Variants in CLEC12A observed in about 807,000 individuals in gnomAD.
CLEC12A encodes C-type lectin protein CLL-1.
A neutral mutation model predicts 26.5 loss-of-function variants in CLEC12A; 22 were observed. The observed-to-expected ratio is 0.83, with a 90% confidence interval of 0.59 to 1.19. The LOEUF (loss-of-function observed/expected upper bound fraction) is 1.19, where lower values mean the gene tolerates loss of function less well. Ranked by LOEUF, CLEC12A falls within the 50% of genes most tolerant of loss-of-function variation. The pLI is 0.00. For synonymous variants in CLEC12A, 119 were observed against 101.9 expected, an observed-to-expected ratio of 1.17 and a Z score of -1.01; for missense variants, 353 against 315.6, an observed-to-expected ratio of 1.12 and a Z score of -0.90.
intron 1 of CLEC12A, among the ~76,000 whole-genome samples, chr12:9,953,586 G>T (rs527458017): frequency 1.3e-5 from 2 of 148,186 alleles, no homozygotes; most frequent in African/African-American, 2.5e-5. Context: ...GGAGGGAGGT[G>T]GGGGGGTCAG....
rs35173002 is a variant in CLEC12A at position 9,954,205 on chromosome 12, T to TAAAAAAA, written c.10+2871_10+2877dup. ...GTGAGAAACACCCAAGAATTATCAA[T>TAAAAAAA]AAAAAAAAAAAAAAAAAAAAAAAAA... On this transcript the variant is annotated intron_variant, in intron 1 of 6. Coordinates refer to the CLEC12A transcript ENST00000355690. Among the ~76,000 whole-genome samples the TAAAAAAA allele has an allele frequency of 2.4e-3, 153 of 64,362 alleles. 1 individual carries two copies. Among genetic ancestry groups the TAAAAAAA allele is most frequent in the Non-Finnish European group, 2.6e-3 (86 of 33,304 alleles). The allele number at this position is 64,362 out of a possible 152,430, so 42.2% of individuals were successfully genotyped here.
At chr12:9,969,304 C>T (rs1864046883), upstream of CLEC12A, among the ~76,000 whole-genome samples, 1 of 152,006 alleles carries the variant, frequency 6.6e-6, no homozygotes, top group Admixed American at 6.6e-5. Context: ...TTCTTATTAC[C>T]CTGATTTGGT....
intron 1 of CLEC12A, among the ~76,000 whole-genome samples, chr12:9,958,524 C>T (rs1010291617): frequency 1.3e-5 from 2 of 152,256 alleles, no homozygotes; most frequent in East Asian, 3.9e-4. Context: ...CTAATGCAGG[C>T]CTCCATAACA....
At chr12:9,951,452 T>G in intron 1 of CLEC12A, 1 of 700,510 alleles carries the variant, frequency 1.4e-6, no homozygotes, top group East Asian at 2.7e-5. Context: ...CAAGGCCAAC[T>G]GACGGAGAGA....
At chr12:9,992,982 AAAG>A in intron 4 of CLEC12A, 1 of 636,950 alleles carries the variant, frequency 1.6e-6, no homozygotes. Context: ...CTGTATATTC[AAAG>A]AAGGGACTAG....
At chr12:9,980,445 A>G (rs1367710687) in intron 3 of CLEC12A, 137 bp from the exon 4 acceptor site, 1 of 960,590 alleles carries the variant, frequency 1.0e-6, no homozygotes, top group Non-Finnish European at 1.5e-6. Flanking sequence ...CAAAAAAAAA[A>G]AAAGGGGGAA....
chr12:9,955,688 G>C (rs1380172533), intron 1 of CLEC12A, among the ~76,000 whole-genome samples: 3 of 152,064 alleles, frequency 2.0e-5, no homozygotes, highest in Non-Finnish European at 2.9e-5. Context: ...GTTTTCCTAA[G>C]CAATCAAAAA....
chr12:9,968,484 A>G (rs1364223730), upstream of CLEC12A, among the ~76,000 whole-genome samples: 2 of 152,130 alleles, frequency 1.3e-5, no homozygotes, highest in Admixed American at 6.5e-5. Flanking sequence ...AAGGTGCTCA[A>G]TAGGGGAGCT....
chr12:9,994,810 AAC>A (rs779892673), intron 4 of CLEC12A, among the ~76,000 whole-genome samples: 2 of 149,306 alleles, frequency 1.3e-5, no homozygotes, highest in East Asian at 2.0e-4. Flanking sequence ...AAAACACAAA[AAC>A]ACACACACAT....
downstream of CLEC12A, among the ~76,000 whole-genome samples, chr12:9,996,565 A>G (rs1016893301): frequency 6.9e-6 from 1 of 145,440 alleles, no homozygotes; most frequent in Non-Finnish European, 1.6e-5. Flanking sequence ...ACAAATAAAT[A>G]TGAACATCAC....
chr12:9,995,123 A>G (rs61917158), exon 5 of CLEC12A: 42,851 of 1,610,206 alleles, frequency 0.027, 661 homozygotes, highest in Non-Finnish European at 0.031. Context: ...TCCTATTCTA[A>G]GTGTCCAGTG....
upstream of CLEC12A, among the ~76,000 whole-genome samples, chr12:9,969,312 G>C (rs575533636): frequency 1.3e-5 from 2 of 152,066 alleles, no homozygotes; most frequent in Admixed American, 6.6e-5. Flanking sequence ...ACCCTGATTT[G>C]GTCATTACAC....
At position 9,971,548 on chromosome 12, in the gene CLEC12A, A is replaced by T; in HGVS notation, c.-49A>T. ...AACATTCAGCTCTGTTAACTCACTC[A>T]TCTTTTTGTGTTTTTACACTTTGTC... is the stretch of plus-strand genomic sequence containing the variant. On this transcript the variant is annotated 5_prime_UTR_variant, in exon 1 of 6. Coordinates refer to ENST00000304361, the MANE Select transcript of CLEC12A (RefSeq NM_138337.6). 6.3e-7 allele frequency: 1 copy of T among 1,582,702 alleles called. No homozygotes were observed. The highest frequency in any genetic ancestry group is 2.3e-5 in the East Asian group (1 of 43,784).
chr12:9,964,311 C>A (rs1459212892), intron 1 of CLEC12A, among the ~76,000 whole-genome samples: 2 of 151,756 alleles, frequency 1.3e-5, no homozygotes, highest in Admixed American at 1.3e-4. Context: ...GCCTAGTCTG[C>A]ATGTAAGGTG....
rs190625991 is a variant in CLEC12A at position 9,961,379 on chromosome 12, G to A, written c.10+10023G>A. 2.3e-3 allele frequency among the ~76,000 whole-genome samples: 347 copies of A among 152,180 alleles called. 2 individuals carry two copies. Among genetic ancestry groups the A allele is most frequent in the Non-Finnish European group, 4.1e-3 (282 of 67,994 alleles). On this transcript the variant is annotated intron_variant, in intron 1 of 6. Transcript: ENST00000355690. ...TGAGGGGCCTTAGAATTTCATTTTT[G>A]GTTTACACTCCCCACACAGCTACAT...
chr12:9,966,408 G>A (rs1863952544), intron 1 of CLEC12A, among the ~76,000 whole-genome samples: 1 of 13,334 alleles, frequency 7.5e-5, no homozygotes, highest in Admixed American at 1.0e-3. Context: ...CTATGGGAGT[G>A]GCTGCCGGTG....
intron 1 of CLEC12A, among the ~76,000 whole-genome samples, chr12:9,974,971 T>A (rs1050102363): frequency 1.3e-5 from 2 of 152,088 alleles, no homozygotes; most frequent in East Asian, 1.9e-4. Context: ...ATAAGTCTCA[T>A]GAGATCTGAT....
chr12:9,996,960 A>T, downstream of CLEC12A: 1 of 1,614,120 alleles, frequency 6.2e-7, no homozygotes, highest in Non-Finnish European at 8.5e-7. Context: ...TATCTCCATA[A>T]TATCTCCAGT....
chr12:9,971,593 A>T lies in CLEC12A; in HGVS notation c.-4A>T, dbSNP rs777404060. 6.2e-6 allele frequency: 10 copies of T among 1,601,794 alleles called. No homozygotes were observed. The highest frequency in any genetic ancestry group is 7.7e-6 in the Non-Finnish European group (9 of 1,174,420). On this transcript the variant is annotated 5_prime_UTR_variant, in exon 1 of 6. Transcript: ENST00000304361. ...TTTGTCAAGATTTCTTTACATATTC[A>T]TCAATGTCTGAAGAAGTTACTTATG...
Sources: allele counts gnomAD v4.1 joint callset (sites outside exome capture counted in the v4.1 genomes callset), GRCh38; gene constraint gnomAD v4.1.1; transcripts MANE v1.5; gene names NCBI Gene and HGNC (gene_info 2026-07-23, HGNC 2026-07-21).